CERS3: variants seen among roughly 807,000 people sequenced by gnomAD.
CERS3 encodes ceramide synthase 3, also known as LAG1 homolog, ceramide synthase 3.
Under a neutral mutation model 50.3 loss-of-function variants are expected in CERS3, and 33 were observed. That is an observed-to-expected ratio of 0.66 (90% confidence interval 0.50 to 0.88). The LOEUF is 0.88. CERS3 is among the 40% of genes least tolerant of loss of function. The pLI, the probability that CERS3 is intolerant of heterozygous loss-of-function variation, is 0.00. For synonymous variants in CERS3, 176 were observed against 155.2 expected (o/e 1.13, Z -0.99); for missense variants, 470 against 460.3 (o/e 1.02, Z -0.19).
At chr15:100,489,899 C>T (rs777588683) in intron 4 of CERS3, among the ~76,000 whole-genome samples, 2 of 152,186 alleles carry the variant, frequency 1.3e-5, no homozygotes, top group Non-Finnish European at 2.9e-5. Flanking sequence ...GTGGTCAAAC[C>T]TCAATGTGCT....
At chr15:100,480,069 T>G (rs1259541312) in intron 5 of CERS3, 23 bp from the exon 6 acceptor site, 1 of 1,582,434 alleles carries the variant, frequency 6.3e-7, no homozygotes. Flanking sequence ...AGAAAAATCT[T>G]TACTCCCTTG....
intron 11 of CERS3, among the ~76,000 whole-genome samples, chr15:100,433,569 G>C (rs542857418): frequency 6.6e-6 from 1 of 152,278 alleles, no homozygotes; most frequent in South Asian, 2.1e-4. Flanking sequence ...CCCAGAACTA[G>C]AGCTCTCTGT....
In CERS3 at chr15:100,402,031, C is replaced by G. The variant is rs2030575743; in HGVS notation, c.*682G>C. On this transcript the variant is annotated 3_prime_UTR_variant, in exon 12 of 12. Transcript: ENST00000679737. The stretch of plus-strand genomic sequence containing the variant: ...TAAGAGGAATTTTTAAAGATTCTGC[C>G]TTTTGTTCAGGCCCATTGCAGTGCC... The G allele has an allele frequency of 6.6e-6, 1 of 152,190 alleles. No individual in the cohort carries two copies. Among genetic ancestry groups the G allele is most frequent in the Non-Finnish European group, 1.5e-5 (1 of 68,048 alleles). The allele number at this position is 152,190 out of a possible 1,614,324, so 9.4% of individuals were successfully genotyped here. A position where few individuals can be genotyped will look rare whatever the true frequency, so the allele number is the denominator to read the frequency against.
chr15:100,402,912 A>T (rs374168855), intron 11 of CERS3, 47 bp from the exon 12 acceptor site: 4 of 1,539,850 alleles, frequency 2.6e-6, no homozygotes, highest in Admixed American at 2.0e-5. Context: ...TTCCAGGAAG[A>T]GTCTTGAGTA....
rs140214560 is a variant in CERS3, at chr15:100,509,489, A to T, written c.-1-7639T>A. On this transcript the variant is annotated intron_variant, in intron 2 of 11. Coordinates refer to ENST00000679737, the MANE Select transcript of CERS3 (RefSeq NM_001378789.1). ...CAAGAAACTATCTCTACAGAACAGA[A>T]GGTTTCTCTCAGACAGACAGCAGGA... 4.0e-3 allele frequency among the ~76,000 whole-genome samples: 602 copies of T among 152,324 alleles called. 6 individuals carry two copies. The highest frequency in any genetic ancestry group is 6.3e-3 in the Non-Finnish European group (428 of 68,026).
At chr15:100,442,295 T>C (rs1031011672) in intron 11 of CERS3, among the ~76,000 whole-genome samples, 3 of 152,188 alleles carry the variant, frequency 2.0e-5, no homozygotes, top group African/African-American at 7.2e-5. Context: ...TAAATTTTAT[T>C]ACCCAATCTG....
chr15:100,450,441 A>G (rs2034119409), intron 11 of CERS3, among the ~76,000 whole-genome samples: 3 of 127,138 alleles, frequency 2.4e-5, no homozygotes, highest in Non-Finnish European at 5.2e-5. Flanking sequence ...AAAAAAAAAG[A>G]CTAGATCAAG....
intron 11 of CERS3, among the ~76,000 whole-genome samples, chr15:100,441,709 T>A (rs1228679675): frequency 6.6e-6 from 1 of 152,106 alleles, no homozygotes; most frequent in Non-Finnish European, 1.5e-5. Context: ...CACTTTCAAT[T>A]TTTCCATCCT....
At chr15:100,431,552 T>C (rs1234310497) in intron 11 of CERS3, among the ~76,000 whole-genome samples, 3 of 152,212 alleles carry the variant, frequency 2.0e-5, no homozygotes. Flanking sequence ...GCCAATTGAC[T>C]TTACAAATGT....
chr15:100,459,455 C>A (rs549641227), intron 10 of CERS3, among the ~76,000 whole-genome samples: 44 of 152,252 alleles, frequency 2.9e-4, no homozygotes, highest in Non-Finnish European at 5.4e-4. Flanking sequence ...GGCACAATAC[C>A]TGGCCAATTT....
intron 2 of CERS3, among the ~76,000 whole-genome samples, chr15:100,503,232 C>A (rs530649445): frequency 2.0e-5 from 3 of 152,174 alleles, no homozygotes; most frequent in African/African-American, 7.2e-5. Flanking sequence ...TAGAAAACTA[C>A]CAGTGGGTTG....
chr15:100,403,222 G>A (rs2142038141), intron 11 of CERS3, among the ~76,000 whole-genome samples: 1 of 152,202 alleles, frequency 6.6e-6, no homozygotes, highest in South Asian at 2.1e-4. Context: ...AAATGAAAAT[G>A]AAAATGCAAC....
In CERS3 at chr15:100,406,092, C is replaced by T. The variant is rs142277326; in HGVS notation, c.1000-3227G>A. ...GAGAAATCTAGAAAAATAACATTGC[C>T]CCGAGGAAAGGAGATGGAGGTGCTA... On this transcript the variant is annotated intron_variant, in intron 11 of 11. Coordinates refer to ENST00000679737, the MANE Select transcript of CERS3 (RefSeq NM_001378789.1). 8.7e-3 allele frequency among the ~76,000 whole-genome samples: 1,318 copies of T among 152,192 alleles called. 24 individuals carry two copies. The highest frequency in any genetic ancestry group is 0.05 in the Admixed American group (765 of 15,290).
At chr15:100,408,105 C>G (rs899366021) in intron 11 of CERS3, among the ~76,000 whole-genome samples, 3 of 152,140 alleles carry the variant, frequency 2.0e-5, no homozygotes, top group Non-Finnish European at 4.4e-5. Flanking sequence ...CTCCTGACCT[C>G]AAGTGATCCA....
intron 2 of CERS3, among the ~76,000 whole-genome samples, chr15:100,516,549 C>T (rs550842397): frequency 2.0e-5 from 3 of 152,266 alleles, no homozygotes; most frequent in African/African-American, 7.2e-5. Context: ...ATCTTATTAT[C>T]GTCACCTACT....
At chr15:100,533,239 C>T (rs80332023), upstream of CERS3, among the ~76,000 whole-genome samples, 3,500 of 152,294 alleles carry the variant, frequency 0.023, 148 homozygotes, top group African/African-American at 0.079. Flanking sequence ...TTTTCCTCCA[C>T]GTCACCTGTC....
In CERS3 at chr15:100,400,448, C is replaced by G. The variant is rs1486718550; in HGVS notation, c.*2265G>C. On this transcript the variant is annotated 3_prime_UTR_variant, in exon 12 of 12. Coordinates refer to ENST00000679737, the MANE Select transcript of CERS3 (RefSeq NM_001378789.1). ...CATTACTGTTACAATATTGATAGCA[C>G]TGTGGACTGCATTTTTATAAGGTCA... The G allele has an allele frequency of 1.3e-5, 2 of 152,176 alleles. No individual in the cohort carries two copies. The highest frequency in any genetic ancestry group is 2.9e-5 in the Non-Finnish European group (2 of 68,040). 9.4% of individuals were successfully genotyped at this position (152,176 alleles called of 1,614,324 possible). A position where few individuals can be genotyped will look rare whatever the true frequency, so the allele number is the denominator to read the frequency against.
At chr15:100,497,306 ATGTGTGTGTGTG>A (rs139734142) in intron 3 of CERS3, among the ~76,000 whole-genome samples, 12 of 145,946 alleles carry the variant, frequency 8.2e-5, no homozygotes, top group East Asian at 2.0e-4. Context: ...GCATATATGT[ATGTGTGTGTGTG>A]TGTGTGTGTG....
intron 4 of CERS3, among the ~76,000 whole-genome samples, chr15:100,485,464 A>G (rs974721112): frequency 3.1e-4 from 47 of 152,218 alleles, no homozygotes; most frequent in African/African-American, 1.1e-3. Flanking sequence ...TCACAGTGGG[A>G]TTTTAACATA....
Sources: gnomAD v4.1 joint callset for allele counts (sites outside exome capture counted in the v4.1 genomes callset) on GRCh38, gnomAD v4.1.1 for gene constraint, MANE v1.5 for transcripts, NCBI Gene and HGNC (gene_info 2026-07-23, HGNC 2026-07-21) for gene names.